The following CAMTA1 variants were observed in gnomAD, a reference collection of about 807,000 sequenced individuals.
CAMTA1 encodes calmodulin-binding transcription activator 1.
In CAMTA1, 27 loss-of-function variants were observed where a neutral mutation model predicts 170.9. That is an observed-to-expected ratio of 0.16 (90% CI 0.12 to 0.22). CAMTA1 has a LOEUF of 0.22. Among genes scored for constraint, CAMTA1 ranks in the 10% least tolerant of loss-of-function variants. The probability of loss-of-function intolerance (pLI) is 1.00; values close to 1 mark genes in which losing one functional copy is unlikely to be tolerated. For synonymous variants in CAMTA1, 833 were observed against 891.5 expected, an observed-to-expected ratio of 0.93 and a Z score of 1.17; for missense variants, 1,619 against 2,217.2, an observed-to-expected ratio of 0.73 and a Z score of 5.42.
At chr1:7,602,039 G>A (rs1367870879) in intron 6 of CAMTA1, among the ~76,000 whole-genome samples, 1 of 148,754 alleles carries the variant, frequency 6.7e-6, no homozygotes, top group Non-Finnish European at 1.5e-5. Flanking sequence ...GGAGGGAGAG[G>A]GAGAGGAGGG....
intron 5 of CAMTA1, among the ~76,000 whole-genome samples, chr1:7,288,140 C>T (rs911393331): frequency 6.6e-6 from 1 of 152,110 alleles, no homozygotes; most frequent in African/African-American, 2.4e-5. Context: ...CCTGACCTTC[C>T]CTGATAAGCA....
chr1:6,939,910 C>T (rs1051349320), intron 3 of CAMTA1, among the ~76,000 whole-genome samples: 1 of 152,256 alleles, frequency 6.6e-6, no homozygotes, highest in African/African-American at 2.4e-5. Context: ...GTGCCGGGCA[C>T]AGAGCAGGCA....
At position 7,265,311 on chromosome 1, in the gene CAMTA1, AT is replaced by A. The variant is rs947442416; in HGVS notation, c.438+15696del. Reference sequence around the variant, plus strand: ...CACTTTTTATTATTTTAGCTTTTTAATTTTTTTTTTTATTTGAGACAGAGTC... The same window carrying A: ...CACTTTTTATTATTTTAGCTTTTTAATTTTTTTTTTATTTGAGACAGAGTC... On this transcript the variant is annotated intron_variant, in intron 5 of 22. Coordinates refer to ENST00000303635, the MANE Select transcript of CAMTA1 (RefSeq NM_015215.4). 1.3e-3 allele frequency among the ~76,000 whole-genome samples: 198 copies of A among 148,932 alleles called. 3 individuals are homozygous for A. The highest frequency in any genetic ancestry group is 3.1e-3 in the East Asian group (16 of 5,106).
Position 7,463,811 on chromosome 1 carries a change from G to A in CAMTA1, c.439-4019G>A, listed in dbSNP as rs1220934611. Among the ~76,000 whole-genome samples the A allele has an allele frequency of 6.6e-6, 1 of 152,170 alleles. No homozygotes were observed. The highest frequency in any genetic ancestry group is 1.5e-5 in the Non-Finnish European group (1 of 68,042). ...TGGGCCACTAAGCCATCACTGCCCA[G>A]CCTTCAGGAGCCCTCTTTGGTGTGG... On this transcript the variant is annotated intron_variant, in intron 5 of 22. Coordinates refer to ENST00000303635, the MANE Select transcript of CAMTA1 (RefSeq NM_015215.4). The surrounding 1 kb of genome is among the most constrained non-coding windows in gnomAD (Gnocchi z 4.7).
At chr1:7,757,191 C>T (rs2096937505) in intron 22 of CAMTA1, among the ~76,000 whole-genome samples, 1 of 152,036 alleles carries the variant, frequency 6.6e-6, no homozygotes, top group Admixed American at 6.6e-5. Context: ...ATATTTTAAC[C>T]CAGAAGTTGG....
intron 6 of CAMTA1, among the ~76,000 whole-genome samples, chr1:7,535,035 G>T (rs1398633036): frequency 6.6e-6 from 1 of 152,186 alleles, no homozygotes; most frequent in African/African-American, 2.4e-5. Context: ...GGAGTCAAGG[G>T]AGATGGCTGG....
chr1:7,506,644 C>T (rs572710493), intron 6 of CAMTA1, among the ~76,000 whole-genome samples: 1 of 152,110 alleles, frequency 6.6e-6, no homozygotes, highest in Admixed American at 6.5e-5. Context: ...CACACTAACA[C>T]CTCATGCTGA....
chr1:7,100,389 T>G (rs1022554514), intron 4 of CAMTA1, among the ~76,000 whole-genome samples: 1 of 152,204 alleles, frequency 6.6e-6, no homozygotes, highest in African/African-American at 2.4e-5. Context: ...TCTTCCTCAC[T>G]GGCCTTTGCC....
At chr1:7,465,547 G>T (rs1023916649) in intron 5 of CAMTA1, among the ~76,000 whole-genome samples, 1 of 152,184 alleles carries the variant, frequency 6.6e-6, no homozygotes, top group Admixed American at 6.5e-5. Flanking sequence ...TGGAGTAACC[G>T]GGTTCTGGAG....
chr1:7,607,852 C>G (rs2095498076), intron 6 of CAMTA1, among the ~76,000 whole-genome samples: 1 of 152,180 alleles, frequency 6.6e-6, no homozygotes, highest in African/African-American at 2.4e-5. Flanking sequence ...GATTTGGACT[C>G]AGGCTAAGAA....
chr1:7,207,014 G>T (rs1360366372), intron 4 of CAMTA1, among the ~76,000 whole-genome samples: 1 of 152,150 alleles, frequency 6.6e-6, no homozygotes, highest in Non-Finnish European at 1.5e-5. Context: ...TGCTTTCCTA[G>T]TCTCCTGAGA....
chr1:7,227,183 G>A (rs1661862710), intron 4 of CAMTA1, among the ~76,000 whole-genome samples: 1 of 152,044 alleles, frequency 6.6e-6, no homozygotes, highest in Non-Finnish European at 1.5e-5. Flanking sequence ...CATAAACTAG[G>A]CTGTGGAGAA....
chr1:6,839,288 AG>A (rs1457460764), intron 3 of CAMTA1, among the ~76,000 whole-genome samples: 9 of 151,970 alleles, frequency 5.9e-5, no homozygotes, highest in Non-Finnish European at 1.2e-4. Flanking sequence ...AGGCTGAGGC[AG>A]GAGAATCACT....
At chr1:7,480,474 C>G (rs915656532) in intron 6 of CAMTA1, among the ~76,000 whole-genome samples, 2 of 151,976 alleles carry the variant, frequency 1.3e-5, no homozygotes, top group Admixed American at 1.3e-4. Flanking sequence ...CTCCTCTTCT[C>G]CCCCTGCTCC....
At chr1:7,357,161 A>T (rs1317619651) in intron 5 of CAMTA1, among the ~76,000 whole-genome samples, 2 of 152,196 alleles carry the variant, frequency 1.3e-5, no homozygotes, top group African/African-American at 4.8e-5. Context: ...GGGCCCTGCG[A>T]TGTCATCCAG....
intron 5 of CAMTA1, chr1:7,388,568 G>C (rs2088292354): frequency 6.6e-6 from 1 of 152,472 alleles, no homozygotes; most frequent in Non-Finnish European, 1.5e-5. Flanking sequence ...CTGGTGTTGG[G>C]AAGCTAGAGG....
rs1646100658 is a variant in CAMTA1 at position 7,144,990 on chromosome 1, C to A, written c.302+53619C>A. Among the ~76,000 whole-genome samples, 1 of 152,248 alleles carries A rather than the reference C, an allele frequency of 6.6e-6. No homozygotes were observed. The highest frequency in any genetic ancestry group is 1.5e-5 in the Non-Finnish European group (1 of 68,048). ...TGCAGCGGTTGGGAGGCTGAGCTGG[C>A]CTTGACCTGGATTCGCTTTCTTCTA... On this transcript the variant is annotated intron_variant, in intron 4 of 22. Transcript: ENST00000303635. The surrounding 1 kb of genome is among the most constrained non-coding windows in gnomAD (Gnocchi z 4.0).
chr1:7,715,058 C>CAAG (rs1312134861), intron 11 of CAMTA1, among the ~76,000 whole-genome samples: 11 of 152,146 alleles, frequency 7.2e-5, no homozygotes, highest in African/African-American at 2.7e-4. Context: ...TTGTCTGTAA[C>CAAG]ATCATGAGTC....
chr1:7,448,919 G>A (rs1054479444), intron 5 of CAMTA1, among the ~76,000 whole-genome samples: 6 of 152,214 alleles, frequency 3.9e-5, no homozygotes, highest in African/African-American at 1.2e-4. Context: ...TGCTTGCTCT[G>A]AGGCAGCGAT....
Sources: gnomAD v4.1 joint callset for allele counts (sites outside exome capture counted in the v4.1 genomes callset) on GRCh38, gnomAD v4.1.1 for gene constraint, Gnocchi (gnomAD v3.1) non-coding constraint, MANE v1.5 for transcripts, NCBI Gene and HGNC (gene_info 2026-07-23, HGNC 2026-07-21) for gene names.